Variants in INTS6 observed in about 807,000 individuals in gnomAD.
The protein encoded by INTS6 is DEAD box protein.
A neutral mutation model predicts 104.9 loss-of-function variants in INTS6; 16 were observed. The ratio of observed to expected loss-of-function variants is 0.15; its 90% confidence interval spans 0.10 to 0.23. The LOEUF (loss-of-function observed/expected upper bound fraction) is 0.23, where lower values mean the gene tolerates loss of function less well. Ranked by LOEUF, INTS6 falls within the 10% of genes least tolerant of loss-of-function variation. The pLI is 1.00. For missense variants in INTS6, 584 were observed against 1,062.8 expected (o/e 0.55, Z 6.26); for synonymous variants, 324 against 358.7 (o/e 0.90, Z 1.09).
At chr13:51,357,852 ACT>A (rs1350939026), downstream of INTS6, among the ~76,000 whole-genome samples, 2 of 151,846 alleles carry the variant, frequency 1.3e-5, no homozygotes, top group African/African-American at 4.8e-5. Flanking sequence ...CAAACTTGAA[ACT>A]CTGAAGAAAC....
At chr13:51,369,799 C>A (rs1179426202) in intron 15 of INTS6, among the ~76,000 whole-genome samples, 1 of 152,140 alleles carries the variant, frequency 6.6e-6, no homozygotes, top group Admixed American at 6.5e-5. Context: ...AGGGAACATA[C>A]CACCAAACAG....
rs578074964 is a variant in INTS6 at position 51,368,711 on chromosome 13, T to C, written c.2476+228A>G. ...GGTTCCTGTCAATTTATCTGTACAG[T>C]GTTGCTCTGCTCTCAGTCCCTGCTG... On this transcript the variant is annotated intron_variant, in intron 16 of 17. Transcript: ENST00000311234. Among the ~76,000 whole-genome samples the C allele has an allele frequency of 5.9e-5, 9 of 152,244 alleles. No individual in the cohort carries two copies. In the South Asian group the frequency reaches 1.9e-3, roughly 32 times the overall value.
At chr13:51,341,342 T>C in the INTS6 span, 1 of 1,594,370 alleles carries the variant, frequency 6.3e-7, no homozygotes, top group Non-Finnish European at 8.6e-7. Flanking sequence ...GGGTACACTG[T>C]CCATGGTAAG....
chr13:51,425,320 CG>C (rs1379260120), intron 4 of INTS6, among the ~76,000 whole-genome samples: 10 of 152,112 alleles, frequency 6.6e-5, no homozygotes, highest in Middle Eastern at 3.4e-3. Context: ...ATGCCCTTAC[CG>C]AATATCTATC....
At chr13:51,432,695 C>T (rs777121610) in intron 3 of INTS6, among the ~76,000 whole-genome samples, 8 of 152,142 alleles carry the variant, frequency 5.3e-5, no homozygotes, top group Non-Finnish European at 1.2e-4. Context: ...ACCTTTACCT[C>T]AATATAAATG....
the INTS6 span, chr13:51,340,972 A>G: frequency 8.5e-7 from 1 of 1,171,390 alleles, no homozygotes; most frequent in Non-Finnish European, 1.2e-6. Flanking sequence ...AGCCGTCCCT[A>G]GCCCCTAAAA....
rs1566198381 is a variant in INTS6 at position 51,361,932 on chromosome 13, C to G, written c.*3820G>C. 6.2e-7 allele frequency: 1 copy of G among 1,611,844 alleles called. No homozygotes were observed. The highest frequency in any genetic ancestry group is 2.2e-5 in the East Asian group (1 of 44,806). On this transcript the variant is annotated 3_prime_UTR_variant, in exon 18 of 18. Coordinates refer to ENST00000311234, the MANE Select transcript of INTS6 (RefSeq NM_012141.3). ...TTTTGACAGGATTCAGATAATTTAT[C>G]AGTGTCTCTCTAGCAACAAGGGCTC...
chr13:51,379,415 A>G, intron 11 of INTS6, 47 bp downstream of exon 11: 3 of 1,184,232 alleles, frequency 2.5e-6, no homozygotes, highest in Non-Finnish European at 3.7e-6. Flanking sequence ...CATCCTAGCC[A>G]AAACCATTCA....
the INTS6 span, chr13:51,341,137 C>T: frequency 6.2e-7 from 1 of 1,614,030 alleles, no homozygotes; most frequent in Admixed American, 1.7e-5. Flanking sequence ...CTCTTGCTGC[C>T]TCCGAGCAAA....
At chr13:51,409,935 C>CA (rs957099066) in intron 4 of INTS6, among the ~76,000 whole-genome samples, 5 of 151,854 alleles carry the variant, frequency 3.3e-5, no homozygotes, top group Non-Finnish European at 7.4e-5. Flanking sequence ...GGTAAAGATG[C>CA]AAAAAAATCA....
intron 3 of INTS6, among the ~76,000 whole-genome samples, chr13:51,356,290 T>C (rs1279660654): frequency 6.6e-6 from 1 of 151,992 alleles, no homozygotes; most frequent in Non-Finnish European, 1.5e-5. Context: ...AAACAGAAAC[T>C]TTCCTTACTG....
intron 4 of INTS6, among the ~76,000 whole-genome samples, chr13:51,407,735 A>G (rs1956598252): frequency 6.6e-6 from 1 of 152,198 alleles, no homozygotes; most frequent in South Asian, 2.1e-4. Context: ...ATACACCATA[A>G]GAGTGTTTCT....
At chr13:51,397,337 C>T (rs1956357390) in intron 4 of INTS6, among the ~76,000 whole-genome samples, 2 of 152,296 alleles carry the variant, frequency 1.3e-5, no homozygotes, top group South Asian at 2.1e-4. Flanking sequence ...AAGATTCATG[C>T]CATGAGAATA....
At chr13:51,418,570 C>T (rs1315407881) in intron 4 of INTS6, among the ~76,000 whole-genome samples, 1 of 152,120 alleles carries the variant, frequency 6.6e-6, no homozygotes, top group East Asian at 1.9e-4. Context: ...TTAATGCCAA[C>T]CCAATTATTT....
chr13:51,341,429 TCACA>T, the INTS6 span: 1 of 1,273,688 alleles, frequency 7.9e-7, no homozygotes, highest in Admixed American at 2.1e-5. Flanking sequence ...CTGCTCACAC[TCACA>T]CTCACTCTCT....
chr13:51,443,425 A>G (rs1952834053), intron 3 of INTS6: 1 of 152,202 alleles, frequency 6.6e-6, no homozygotes, highest in Non-Finnish European at 1.5e-5. Context: ...TTACATCTCA[A>G]TAAAAATGTT....
intron 4 of INTS6, among the ~76,000 whole-genome samples, chr13:51,400,238 A>G (rs1013934106): frequency 2.0e-5 from 3 of 152,214 alleles, no homozygotes; most frequent in African/African-American, 7.2e-5. Flanking sequence ...TGGTGCCAAA[A>G]AGGTTGGGGA....
chr13:51,401,278 T>C (rs1422641692), intron 4 of INTS6, among the ~76,000 whole-genome samples: 1 of 152,100 alleles, frequency 6.6e-6, no homozygotes, highest in Non-Finnish European at 1.5e-5. Context: ...CTACCAAATA[T>C]TAGGTATGTT....
At chr13:51,344,400 T>C in the INTS6 span, 1 of 1,611,964 alleles carries the variant, frequency 6.2e-7, no homozygotes, top group Non-Finnish European at 8.5e-7. Flanking sequence ...CCTGGTGGGC[T>C]AACAGCAGCC....
Sources: gnomAD v4.1 joint callset for allele counts (sites outside exome capture counted in the v4.1 genomes callset) on GRCh38, gnomAD v4.1.1 for gene constraint, MANE v1.5 for transcripts, NCBI Gene and HGNC (gene_info 2026-07-23, HGNC 2026-07-21) for gene names.